Variants in SLC2A13 observed in about 807,000 individuals in gnomAD.
SLC2A13 encodes solute carrier family 2 member 13, also known as proton myo-inositol cotransporter.
Under a neutral mutation model 64.4 loss-of-function variants are expected in SLC2A13, and 32 were observed. That is an observed-to-expected ratio of 0.50 (90% CI 0.37 to 0.67). SLC2A13 has a LOEUF of 0.67. SLC2A13 is among the 30% of genes least tolerant of loss of function. The pLI is 0.00. For synonymous variants in SLC2A13, 338 were observed against 327.1 expected, an observed-to-expected ratio of 1.03 and a Z score of -0.36; for missense variants, 743 against 829.2, an observed-to-expected ratio of 0.90 and a Z score of 1.28.
intron 3 of SLC2A13, among the ~76,000 whole-genome samples, chr12:39,966,513 T>C (rs1387088900): frequency 6.6e-6 from 1 of 152,150 alleles, no homozygotes; most frequent in East Asian, 1.9e-4. Flanking sequence ...GAGTTCCACA[T>C]GTTCTGCTCT....
At chr12:39,891,024 A>G (rs911529805) in intron 4 of SLC2A13, among the ~76,000 whole-genome samples, 4 of 152,128 alleles carry the variant, frequency 2.6e-5, no homozygotes, top group Admixed American at 2.6e-4. Context: ...TCATATTTAA[A>G]CAATGAATCT....
chr12:39,784,413 T>A (rs1009417694), intron 7 of SLC2A13, among the ~76,000 whole-genome samples: 14 of 152,076 alleles, frequency 9.2e-5, no homozygotes, highest in African/African-American at 3.1e-4. Flanking sequence ...CCCGCAGAAA[T>A]AATGCCACAC....
At chr12:39,776,380 T>C (rs1245377033) in intron 7 of SLC2A13, among the ~76,000 whole-genome samples, 1 of 152,220 alleles carries the variant, frequency 6.6e-6, no homozygotes, top group African/African-American at 2.4e-5. Context: ...CCTGCCTGCC[T>C]GGCCATAACT....
intron 3 of SLC2A13, among the ~76,000 whole-genome samples, chr12:39,970,864 G>T (rs1156975513): frequency 1.3e-5 from 2 of 152,118 alleles, no homozygotes; most frequent in African/African-American, 4.8e-5. Context: ...CTATATAGAT[G>T]CCAGTGCAAG....
intron 7 of SLC2A13, among the ~76,000 whole-genome samples, chr12:39,794,123 C>CAAAAAAAAA (rs36179669): frequency 2.6e-5 from 2 of 78,372 alleles, no homozygotes; most frequent in African/African-American, 5.1e-5. Flanking sequence ...GGCCAAATTG[C>CAAAAAAAAA]AAAAAAAAAA....
At chr12:40,045,808 C>T (rs1420782170) in intron 2 of SLC2A13, among the ~76,000 whole-genome samples, 1 of 152,158 alleles carries the variant, frequency 6.6e-6, no homozygotes, top group Non-Finnish European at 1.5e-5. Flanking sequence ...CCAGCTTCAG[C>T]TGGGATTCCA....
intron 4 of SLC2A13, among the ~76,000 whole-genome samples, chr12:39,896,279 C>CATAT (rs1387936673): frequency 0.089 from 6,892 of 77,256 alleles, 1,023 homozygotes; most frequent in East Asian, 0.31. Context: ...TATATGTATA[C>CATAT]ATGTATGTAT....
At chr12:40,040,093 G>A (rs1254328668) in intron 2 of SLC2A13, among the ~76,000 whole-genome samples, 3 of 152,194 alleles carry the variant, frequency 2.0e-5, no homozygotes, top group East Asian at 1.9e-4. Context: ...GAAGGTGAGA[G>A]CAATTTTTAT....
At chr12:39,849,833 T>C (rs1943418165) in intron 6 of SLC2A13, among the ~76,000 whole-genome samples, 1 of 152,206 alleles carries the variant, frequency 6.6e-6, no homozygotes, top group Non-Finnish European at 1.5e-5. Context: ...CTTTTTGCAT[T>C]ATATGGCTAC....
chr12:39,943,849 C>G (rs1324009899), intron 4 of SLC2A13, among the ~76,000 whole-genome samples: 3 of 152,192 alleles, frequency 2.0e-5, no homozygotes, highest in Admixed American at 6.5e-5. Flanking sequence ...GGAGCCTACA[C>G]CATCAGCACC....
chr12:39,971,997 A>AAAAATATATATATAT (rs1375405006), intron 3 of SLC2A13, among the ~76,000 whole-genome samples: 9 of 77,352 alleles, frequency 1.2e-4, no homozygotes, highest in Admixed American at 5.4e-4. Context: ...AAAAAAAAAA[A>AAAAATATATATATAT]ATATATATAT....
intron 4 of SLC2A13, among the ~76,000 whole-genome samples, chr12:39,939,160 C>A (rs1340635239): frequency 2.0e-5 from 3 of 152,152 alleles, no homozygotes; most frequent in African/African-American, 7.2e-5. Flanking sequence ...CCTCTTCTTC[C>A]TTCTCTATTC....
In SLC2A13 at chr12:39,755,823, A is replaced by G. The variant is rs1428579346; in HGVS notation, c.*4203T>C. The G allele has an allele frequency of 6.6e-6, 1 of 152,086 alleles. No homozygotes were observed. Among genetic ancestry groups the G allele is most frequent in the African/African-American group, 2.4e-5 (1 of 41,438 alleles). 9.4% of individuals were successfully genotyped at this position (152,086 alleles called of 1,614,324 possible). A position where few individuals can be genotyped will look rare whatever the true frequency, so the allele number is the denominator to read the frequency against. ...GTACATATAAAGATTTACATAAATT[A>G]TATTGTTTTAGCTCACTAGCAAATT... On this transcript the variant is annotated 3_prime_UTR_variant, in exon 10 of 10. Coordinates refer to ENST00000280871, the MANE Select transcript of SLC2A13 (RefSeq NM_052885.4).
At chr12:39,786,372 A>AG (rs1555235726) in intron 7 of SLC2A13, among the ~76,000 whole-genome samples, 4 of 149,998 alleles carry the variant, frequency 2.7e-5, no homozygotes, top group Admixed American at 1.3e-4. Context: ...TTCATCTCCC[A>AG]CCATGATTCT....
chr12:40,105,630 C>A lies in SLC2A13; in HGVS notation c.179G>T (p.Gly60Val), dbSNP rs745713466. 6 of 1,482,838 alleles carry A rather than the reference C, an allele frequency of 4.0e-6. No homozygotes were observed. The South Asian group carries it at 8.0e-5, about 20-fold the overall frequency. 91.9% of individuals were successfully genotyped at this position (1,482,838 alleles called of 1,614,324 possible). The change falls in exon 1 of 10, where the codon GGC becomes GTC. Residue 60 changes from glycine (G) to valine (V), a missense_variant. Around this residue, in one of 2 missense-constraint regions of SLC2A13, gnomAD observed 448 missense variants for 447.4 expected, o/e 1.00. Coordinates refer to ENST00000280871, the MANE Select transcript of SLC2A13 (RefSeq NM_052885.4). This position sits in a 1 kb window ranked among gnomAD's most constrained non-coding sequence, Gnocchi z 4.2. ...CGCCGCGCGCTCCAGGTCCCCGACGCCGCCGCCGCCCGCGCCCGCGCTCTG... is the reference window on the plus strand; with the variant it reads ...CGCCGCGCGCTCCAGGTCCCCGACGACGCCGCCGCCCGCGCCCGCGCTCTG... Reference protein sequence around the residue: ...SLQSAGAGGGGVGDLERAARR... With the variant: ...SLQSAGAGGGVVGDLERAARR...
At chr12:40,013,402 TTAAAA>T (rs1947566286) in intron 3 of SLC2A13, among the ~76,000 whole-genome samples, 1 of 152,174 alleles carries the variant, frequency 6.6e-6, no homozygotes, top group Non-Finnish European at 1.5e-5. Context: ...CATCCAATCT[TTAAAA>T]TATAATTATC....
intron 3 of SLC2A13, among the ~76,000 whole-genome samples, chr12:40,017,858 G>C (rs950981444): frequency 6.6e-6 from 1 of 151,834 alleles, no homozygotes; most frequent in Admixed American, 6.6e-5. Flanking sequence ...AGGTTCCTCT[G>C]TGACTACACA....
At chr12:40,003,831 C>A (rs887386990) in intron 3 of SLC2A13, among the ~76,000 whole-genome samples, 4 of 151,728 alleles carry the variant, frequency 2.6e-5, no homozygotes, top group African/African-American at 9.7e-5. Context: ...CACCGAAGCA[C>A]AGAAAGTTTA....
At chr12:39,864,219 T>G (rs892306727) in intron 6 of SLC2A13, among the ~76,000 whole-genome samples, 4 of 152,260 alleles carry the variant, frequency 2.6e-5, no homozygotes, top group African/African-American at 7.2e-5. Context: ...GGCCTGCAGC[T>G]AGCCATTAGA....
Sources: allele counts gnomAD v4.1 joint callset (sites outside exome capture counted in the v4.1 genomes callset), GRCh38; gene constraint gnomAD v4.1.1; regional missense constraint gnomAD v4.1.1; non-coding constraint Gnocchi (gnomAD v3.1); transcripts MANE v1.5; gene names NCBI Gene and HGNC (gene_info 2026-07-23, HGNC 2026-07-21).